ABR: variants seen among roughly 807,000 people sequenced by gnomAD.
ABR encodes active breakpoint cluster region-related protein.
In ABR, 35 loss-of-function variants were observed where a neutral mutation model predicts 107.2. The ratio of observed to expected loss-of-function variants is 0.33; its 90% CI spans 0.25 to 0.43. The LOEUF is 0.43. ABR is among the 20% of genes least tolerant of loss of function. ABR has a pLI of 1.00. For missense variants in ABR, 815 were observed against 1,115.2 expected (o/e 0.73, Z 3.83); for synonymous variants, 498 against 462.0 (o/e 1.08, Z -1.00).
rs764000113 is a variant in ABR, at chr17:1,069,986, C to T, written c.999G>A (p.Leu333=). ...LFTDVLLCAK[L]KKTSAGKHQQ... ...ACACTCACCCTGCAGAGGTCTTCTT[C>T]AGCTTGGCACACAGTAGGACATCTG... Residue 333 remains leucine (L), a synonymous_variant, in exon 9 of 23, where the codon CTG becomes CTA. Coordinates refer to ENST00000302538, the MANE Select transcript of ABR (RefSeq NM_021962.5). The T allele has an allele frequency of 1.3e-6, 2 of 1,582,814 alleles. No individual in the cohort carries two copies. Among genetic ancestry groups the T allele is most frequent in the East Asian group, 2.3e-5 (1 of 42,842 alleles).
chr17:1,100,436 A>C (rs1035840909), intron 3 of ABR, among the ~76,000 whole-genome samples: 3 of 152,218 alleles, frequency 2.0e-5, no homozygotes, highest in Admixed American at 2.0e-4. Flanking sequence ...TGAGAGCTGG[A>C]GCTGAGAGGC....
chr17:1,060,335 G>A (rs566522391), intron 10 of ABR, among the ~76,000 whole-genome samples: 3 of 152,230 alleles, frequency 2.0e-5, no homozygotes, highest in South Asian at 4.1e-4. Context: ...GCTTGAACCC[G>A]GGAGGTGGAA....
At chr17:1,201,695 TGA>T (rs1204954733) in intron 1 of ABR, among the ~76,000 whole-genome samples, 1 of 151,748 alleles carries the variant, frequency 6.6e-6, no homozygotes, top group Non-Finnish European at 1.5e-5. Flanking sequence ...TTTGTTTTTT[TGA>T]GAGAGTCTCG....
intron 16 of ABR, among the ~76,000 whole-genome samples, chr17:1,024,147 C>T (rs2071976580): frequency 6.6e-6 from 1 of 151,990 alleles, no homozygotes; most frequent in Admixed American, 6.6e-5. Flanking sequence ...ACGTGAGGGG[C>T]TCCAGCAATT....
chr17:1,085,917 C>T (rs1224652664), intron 4 of ABR, among the ~76,000 whole-genome samples: 1 of 152,100 alleles, frequency 6.6e-6, no homozygotes, highest in Non-Finnish European at 1.5e-5. Flanking sequence ...GAGGCCGAGG[C>T]GGGCAGATCA....
chr17:1,025,139 T>G (rs769855413), intron 16 of ABR, among the ~76,000 whole-genome samples: 3 of 41,900 alleles, frequency 7.2e-5, no homozygotes, highest in African/African-American at 2.1e-4. Context: ...AAAAAAAAAA[T>G]ACAAAACTTG....
chr17:1,133,827 G>A (rs954854944), intron 1 of ABR, among the ~76,000 whole-genome samples: 2 of 152,134 alleles, frequency 1.3e-5, no homozygotes, highest in Admixed American at 6.6e-5. Context: ...TACCAGGAAC[G>A]GCTGCCCTAC....
At chr17:1,203,485 G>T (rs1480029504) in intron 1 of ABR, among the ~76,000 whole-genome samples, 1 of 93,318 alleles carries the variant, frequency 1.1e-5, no homozygotes, top group Non-Finnish European at 2.3e-5. Context: ...GCGGGGGCGG[G>T]GCCCGCGGGG....
intron 4 of ABR, among the ~76,000 whole-genome samples, chr17:1,085,089 A>G (rs898582893): frequency 1.4e-5 from 2 of 148,092 alleles, no homozygotes; most frequent in African/African-American, 2.5e-5. Flanking sequence ...GGTGTGAGCC[A>G]CTGCGCCCGG....
At position 1,011,934 on chromosome 17, in the gene ABR, C is replaced by T. The variant is rs762942530; in HGVS notation, c.2013G>A (p.Val671=). 1.3e-5 allele frequency: 21 copies of T among 1,613,252 alleles called. No individual in the cohort carries two copies. The highest frequency in any genetic ancestry group is 2.2e-5 in the East Asian group (1 of 44,838). ...PYIVRQCVEE[V]EKRGIEEVGI... ...CAACCTCCTCGATACCCCTCTTCTC[C>T]ACCTCCTCCACACACTGCCGGACGA... Residue 671 remains valine (V), a synonymous_variant, in exon 19 of 23, where the codon GTG becomes GTA. Coordinates refer to ENST00000302538, the MANE Select transcript of ABR (RefSeq NM_021962.5). The surrounding 1 kb of genome is among the most constrained non-coding windows in gnomAD (Gnocchi z 4.8).
chr17:1,111,378 C>G (rs1487525558), intron 2 of ABR, among the ~76,000 whole-genome samples: 1 of 152,190 alleles, frequency 6.6e-6, no homozygotes, highest in African/African-American at 2.4e-5. Context: ...CCATCAGACA[C>G]AGACTCCACT....
chr17:1,004,998 A>C lies in ABR; in HGVS notation c.*1082T>G, dbSNP rs2069916783. 3 of 398,884 alleles carry C rather than the reference A, an allele frequency of 7.5e-6. No individual in the cohort carries two copies. The highest frequency in any genetic ancestry group is 1.3e-5 in the Non-Finnish European group (3 of 226,210). The allele number at this position is 398,884 out of a possible 1,614,324, so 24.7% of individuals were successfully genotyped here. A position where few individuals can be genotyped will look rare whatever the true frequency, so the allele number is the denominator to read the frequency against. ...CCTGGACACCTGCTTCGGCCACATCAGTCACCCTCCAGGAAGCCTGGCCCC... is the reference window on the plus strand; with the variant it reads ...CCTGGACACCTGCTTCGGCCACATCCGTCACCCTCCAGGAAGCCTGGCCCC... On this transcript the variant is annotated 3_prime_UTR_variant, in exon 23 of 23. Coordinates refer to ENST00000302538, the MANE Select transcript of ABR (RefSeq NM_021962.5).
Position 1,027,316 on chromosome 17 carries a change from C to A in ABR, c.1792-14152G>T, listed in dbSNP as rs2072274898. On this transcript the variant is annotated intron_variant, in intron 16 of 22. Transcript: ENST00000302538. This position sits in a 1 kb window ranked among gnomAD's most constrained non-coding sequence, Gnocchi z 4.7. ...GCGCCCTTCTACCCTCCCTAGGTAC[C>A]AAGAAGCGGCACCTTGCCAAGTTCA... Among the ~76,000 whole-genome samples, 1 of 152,222 alleles carries A rather than the reference C, an allele frequency of 6.6e-6. No homozygotes were observed.
intron 6 of ABR, among the ~76,000 whole-genome samples, chr17:1,076,690 A>G (rs554017397): frequency 4.3e-3 from 409 of 94,216 alleles, no homozygotes; most frequent in Middle Eastern, 8.1e-3. Context: ...GAGCCCTGGA[A>G]GGGCGGCCAG....
intron 2 of ABR, chr17:1,109,105 G>A (rs1156701426): frequency 1.3e-6 from 2 of 1,586,388 alleles, no homozygotes; most frequent in African/African-American, 1.4e-5. Context: ...CAGGAAGCGG[G>A]GTCCACGCAG....
intron 3 of ABR, among the ~76,000 whole-genome samples, chr17:1,094,156 C>T (rs1194024399): frequency 6.6e-6 from 1 of 152,166 alleles, no homozygotes; most frequent in Admixed American, 6.5e-5. Flanking sequence ...AACGGCCCCT[C>T]GGTGTCTGGT....
chr17:1,067,300 A>G (rs2151153948), intron 9 of ABR, 58 bp from the exon 10 acceptor site: 1 of 1,484,414 alleles, frequency 6.7e-7, no homozygotes, highest in Non-Finnish European at 8.9e-7. Flanking sequence ...TCCAGCCTCA[A>G]CTCTTGGGTC....
At chr17:1,036,414 G>A (rs2073178962) in intron 16 of ABR, among the ~76,000 whole-genome samples, 1 of 152,196 alleles carries the variant, frequency 6.6e-6, no homozygotes, top group African/African-American at 2.4e-5. Context: ...CAGAGGATCA[G>A]GGCACCGGCT....
At position 1,021,150 on chromosome 17, in the gene ABR, G is replaced by A. The variant is rs557306319; in HGVS notation, c.1792-7986C>T. ...AGGTGGGACTTAGAACTGGCCACTG[G>A]GGGTCTCAGTGGAGGGGGGAGCAGA... On this transcript the variant is annotated intron_variant, in intron 16 of 22. Coordinates refer to ENST00000302538, the MANE Select transcript of ABR (RefSeq NM_021962.5). 2.6e-5 allele frequency among the ~76,000 whole-genome samples: 4 copies of A among 152,284 alleles called. No homozygotes were observed. In the East Asian group the frequency reaches 7.7e-4, roughly 29 times the overall value.
Sources: gnomAD v4.1 joint callset for allele counts (sites outside exome capture counted in the v4.1 genomes callset) on GRCh38, gnomAD v4.1.1 for gene constraint, Gnocchi (gnomAD v3.1) non-coding constraint, MANE v1.5 for transcripts, NCBI Gene and HGNC (gene_info 2026-07-23, HGNC 2026-07-21) for gene names.